PALLD: variants seen among roughly 807,000 people sequenced by gnomAD.
PALLD encodes palladin, cytoskeletal associated protein.
A neutral mutation model predicts 123.5 loss-of-function variants in PALLD; 61 were observed. That is an observed-to-expected ratio of 0.49 (90% CI 0.40 to 0.61). PALLD has a LOEUF of 0.61. PALLD is among the 20% of genes least tolerant of loss of function. PALLD has a pLI of 0.00. For missense variants in PALLD, 1,273 were observed against 1,377.0 expected (o/e 0.92, Z 1.20); for synonymous variants, 465 against 496.4 (o/e 0.94, Z 0.84).
intron 2 of PALLD, among the ~76,000 whole-genome samples, chr4:168,560,278 G>A (rs1366957872): frequency 2.6e-5 from 4 of 152,182 alleles, no homozygotes; most frequent in Non-Finnish European, 5.9e-5. Flanking sequence ...TGCAAGGCCA[G>A]TTGCTTGCTT....
chr4:168,745,713 C>T (rs1730200393), intron 10 of PALLD, among the ~76,000 whole-genome samples: 1 of 151,998 alleles, frequency 6.6e-6, no homozygotes, highest in Non-Finnish European at 1.5e-5. Context: ...CCAGTATAGA[C>T]ATAGTAAACT....
chr4:168,730,747 A>G (rs1180700780), intron 10 of PALLD, among the ~76,000 whole-genome samples: 1 of 152,088 alleles, frequency 6.6e-6, no homozygotes, highest in Non-Finnish European at 1.5e-5. Flanking sequence ...TTGTGGGGGC[A>G]GGTAACATGC....
At chr4:168,508,810 C>T (rs190694203) in intron 1 of PALLD, among the ~76,000 whole-genome samples, 2 of 152,138 alleles carry the variant, frequency 1.3e-5, no homozygotes, top group East Asian at 3.9e-4. Context: ...CATGTCTCTT[C>T]TGGATCCATG....
chr4:168,518,637 A>G (rs532559395), intron 2 of PALLD, among the ~76,000 whole-genome samples: 1 of 152,300 alleles, frequency 6.6e-6, no homozygotes, highest in South Asian at 2.1e-4. Context: ...CCATATCTCT[A>G]TCACCTTTAC....
chr4:168,682,769 T>G (rs948031242), intron 4 of PALLD, among the ~76,000 whole-genome samples: 1 of 152,182 alleles, frequency 6.6e-6, no homozygotes, highest in Admixed American at 6.5e-5. Context: ...GCTTAATGTC[T>G]ATAAGGTACA....
chr4:168,892,154 T>C (rs2151199166), intron 11 of PALLD, among the ~76,000 whole-genome samples: 1 of 152,316 alleles, frequency 6.6e-6, no homozygotes, highest in South Asian at 2.1e-4. Context: ...AAAATACTCT[T>C]TTCTTTTTAA....
chr4:168,568,781 G>A (rs1379069326), intron 2 of PALLD, among the ~76,000 whole-genome samples: 1 of 150,092 alleles, frequency 6.7e-6, no homozygotes, highest in Non-Finnish European at 1.5e-5. Flanking sequence ...ATTTATATAT[G>A]CATATTATAT....
chr4:168,877,588 A>G, intron 10 of PALLD: 1 of 245,690 alleles, frequency 4.1e-6, no homozygotes. Context: ...GGGCCTGCTA[A>G]CGTGTGCCCG....
chr4:168,726,745 G>C (rs369782114), intron 10 of PALLD, among the ~76,000 whole-genome samples: 1 of 149,550 alleles, frequency 6.7e-6, no homozygotes, highest in African/African-American at 2.5e-5. Context: ...ATGAGATGCT[G>C]TCCCTTTAAA....
At chr4:168,681,433 CAAAG>C (rs1781535496) in intron 4 of PALLD, 35 bp downstream of exon 4, 1 of 1,301,088 alleles carries the variant, frequency 7.7e-7, no homozygotes, top group African/African-American at 1.5e-5. Context: ...TATGTGGAAA[CAAAG>C]AATGGCAACA....
At chr4:168,656,487 C>G (rs1161764569) in intron 2 of PALLD, among the ~76,000 whole-genome samples, 1 of 152,064 alleles carries the variant, frequency 6.6e-6, no homozygotes, top group African/African-American at 2.4e-5. Flanking sequence ...CCTGTCTACT[C>G]ATGGGAATGA....
At chr4:168,915,807 C>G (rs374118116) in intron 16 of PALLD, 88 bp from the exon 17 acceptor site, 7 of 972,398 alleles carry the variant, frequency 7.2e-6, no homozygotes, top group African/African-American at 6.4e-5. Flanking sequence ...TATTATTACC[C>G]CATGTATTTT....
At chr4:168,810,010 C>T (rs1012740978) in intron 10 of PALLD, among the ~76,000 whole-genome samples, 1 of 151,188 alleles carries the variant, frequency 6.6e-6, no homozygotes, top group Admixed American at 6.6e-5. Context: ...CTGAGGAAGA[C>T]AGGGCTCATT....
At chr4:168,564,214 TC>T (rs1285949054) in intron 2 of PALLD, among the ~76,000 whole-genome samples, 5 of 152,320 alleles carry the variant, frequency 3.3e-5, no homozygotes, top group Admixed American at 2.6e-4. Context: ...CATTTCTAGG[TC>T]TTTTGTTCAA....
chr4:168,765,394 G>A lies in PALLD; in HGVS notation c.1964+53471G>A, dbSNP rs150408011. ...GGAACTGCTGCGTTTTATAGGGAAA[G>A]GGAACACAAGGGTAGGAATGTACTG... On this transcript the variant is annotated intron_variant, in intron 10 of 21. Transcript: ENST00000505667. Among the ~76,000 whole-genome samples, 1,278 of 152,278 alleles carry A rather than the reference G, an allele frequency of 8.4e-3. 11 individuals carry two copies. The highest frequency in any genetic ancestry group is 0.012 in the Non-Finnish European group (824 of 68,028).
chr4:168,640,590 G>T (rs188420193), intron 2 of PALLD, among the ~76,000 whole-genome samples: 26 of 152,340 alleles, frequency 1.7e-4, no homozygotes, highest in African/African-American at 5.8e-4. Flanking sequence ...TAGATTCAGA[G>T]ATAACTGACT....
At position 168,926,730 on chromosome 4, in the gene PALLD, A is replaced by G; in HGVS notation, c.*550A>G. The G allele has an allele frequency of 3.3e-6, 1 of 307,040 alleles. No homozygotes were observed. The highest frequency in any genetic ancestry group is 6.1e-6 in the Non-Finnish European group (1 of 163,006). 19.0% of individuals were successfully genotyped at this position (307,040 alleles called of 1,614,324 possible). ...ACAAGTGCCTTTAAACACAAGATAT[A>G]GGTGCTGTGTAGCCTGATAGTGTGA... On this transcript the variant is annotated 3_prime_UTR_variant, in exon 22 of 22. Coordinates refer to ENST00000505667, the MANE Select transcript of PALLD (RefSeq NM_001166108.2).
chr4:168,595,440 A>G (rs1170276068), intron 2 of PALLD, among the ~76,000 whole-genome samples: 2 of 152,118 alleles, frequency 1.3e-5, no homozygotes, highest in Admixed American at 6.5e-5. Flanking sequence ...GTACTAGTTC[A>G]CATCGTTTAT....
At chr4:168,587,256 C>T (rs1386409452) in intron 2 of PALLD, among the ~76,000 whole-genome samples, 1 of 152,196 alleles carries the variant, frequency 6.6e-6, no homozygotes, top group Non-Finnish European at 1.5e-5. Context: ...AAAATTCTGG[C>T]ATCATGATAG....
Sources: allele counts gnomAD v4.1 joint callset (sites outside exome capture counted in the v4.1 genomes callset), GRCh38; gene constraint gnomAD v4.1.1; transcripts MANE v1.5; gene names NCBI Gene and HGNC (gene_info 2026-07-23, HGNC 2026-07-21).